BRAP: variants seen among roughly 807,000 people sequenced by gnomAD.
The protein encoded by BRAP is BRCA1-associated protein.
In BRAP, 42 loss-of-function variants were observed where a neutral mutation model predicts 73.4. The ratio of observed to expected loss-of-function variants is 0.57; its 90% confidence interval spans 0.45 to 0.74. BRAP has a LOEUF of 0.74. Among genes scored for constraint, BRAP ranks in the 30% least tolerant of loss-of-function variants. The pLI is 0.00. For missense variants in BRAP, 593 were observed against 751.4 expected, an observed-to-expected ratio of 0.79 and a Z score of 2.46; for synonymous variants, 255 against 267.4, an observed-to-expected ratio of 0.95 and a Z score of 0.45.
chr12:111,652,673 T>C (rs1886373233), intron 10 of BRAP, among the ~76,000 whole-genome samples: 1 of 152,132 alleles, frequency 6.6e-6, no homozygotes, highest in Non-Finnish European at 1.5e-5. Flanking sequence ...GCCCAGGAGT[T>C]GGAGATCAGC....
chr12:111,665,755 T>C lies in BRAP; in HGVS notation c.780A>G (p.Glu260=), dbSNP rs772625895. 6 of 1,614,042 alleles carry C rather than the reference T, an allele frequency of 3.7e-6. No individual in the cohort carries two copies. Among genetic ancestry groups the C allele is most frequent in the South Asian group, 1.1e-5 (1 of 91,070 alleles). The change falls in exon 6 of 12, where the codon GAA becomes GAG. Residue 260 remains glutamate (E), a synonymous_variant. Transcript: ENST00000419234. The surrounding 1 kb of genome is among the most constrained non-coding windows in gnomAD (Gnocchi z 4.3). ...GASLPVMDLT[E]LPKCTVCLER... is the part of the protein sequence containing the mutation. ...CCAGACACACCGTGCACTTGGGGAG[T>C]TCAGTCAGGTCCATCACTGGGAGGC...
rs1384504195 is a variant in BRAP, at chr12:111,665,517, G to A, written c.896+122C>T. 7.3e-7 allele frequency: 1 copy of A among 1,372,654 alleles called. No homozygotes were observed. Among genetic ancestry groups the A allele is most frequent in the Non-Finnish European group, 9.8e-7 (1 of 1,015,574 alleles). 85.0% of individuals were successfully genotyped at this position (1,372,654 alleles called of 1,614,324 possible). Reference sequence around the variant, plus strand: ...TCCCTGAACTTAGGAAAGGGAAGGAGAAAAAGGACCTCTTGAATAAAGTCA... The same window carrying A: ...TCCCTGAACTTAGGAAAGGGAAGGAAAAAAAGGACCTCTTGAATAAAGTCA... On this transcript the variant is annotated intron_variant, in intron 6 of 11. Transcript: ENST00000419234. The surrounding 1 kb of genome is among the most constrained non-coding windows in gnomAD (Gnocchi z 4.3).
chr12:111,648,315 C>G (rs371287662), intron 11 of BRAP, among the ~76,000 whole-genome samples: 2,333 of 136,840 alleles, frequency 0.017, 53 homozygotes, highest in African/African-American at 0.051. Context: ...GCAAGACTCT[C>G]TCTAAAAATA....
intron 5 of BRAP, 59 bp downstream of exon 5, chr12:111,672,602 A>C (rs1887220200): frequency 1.4e-6 from 2 of 1,464,562 alleles, no homozygotes; most frequent in Middle Eastern, 1.8e-4. Flanking sequence ...ATACCTTAGC[A>C]TTCAATTTTA....
At chr12:111,672,449 ATCTAAT>A (rs768880873) in intron 5 of BRAP, among the ~76,000 whole-genome samples, 17 of 152,120 alleles carry the variant, frequency 1.1e-4, no homozygotes, top group Non-Finnish European at 2.5e-4. Flanking sequence ...TGTCATCACT[ATCTAAT>A]TCTAGAACAC....
intron 4 of BRAP, among the ~76,000 whole-genome samples, chr12:111,676,651 T>A (rs1447099088): frequency 6.6e-6 from 1 of 152,162 alleles, no homozygotes. Flanking sequence ...TGCCCTCAAG[T>A]GTTCCGCCCA....
chr12:111,678,972 C>G (rs61941272), intron 4 of BRAP, among the ~76,000 whole-genome samples, 179 bp downstream of exon 4: 3 of 151,116 alleles, frequency 2.0e-5, no homozygotes, highest in Non-Finnish European at 2.9e-5. Flanking sequence ...AAAGTGTATA[C>G]GTTATAATTG....
chr12:111,647,415 T>G (rs1886147314), intron 11 of BRAP, among the ~76,000 whole-genome samples: 1 of 152,214 alleles, frequency 6.6e-6, no homozygotes, highest in African/African-American at 2.4e-5. Flanking sequence ...ATACCTAGAT[T>G]CTATTTTTGC....
chr12:111,660,491 A>C, intron 7 of BRAP, 109 bp downstream of exon 7: 2 of 967,886 alleles, frequency 2.1e-6, no homozygotes, highest in South Asian at 5.0e-5. Context: ...TCTTAAAATA[A>C]AAAATAAAAA....
At chr12:111,670,021 C>G (rs920582303) in intron 5 of BRAP, 1 of 640,552 alleles carries the variant, frequency 1.6e-6, no homozygotes, top group Non-Finnish European at 3.0e-6. Context: ...GAGATTTCCT[C>G]TGGTTCACTA....
At chr12:111,682,302 A>G (rs1428264389) in intron 2 of BRAP, among the ~76,000 whole-genome samples, 1 of 152,102 alleles carries the variant, frequency 6.6e-6, no homozygotes, top group Non-Finnish European at 1.5e-5. Context: ...GGTTGAGACC[A>G]TCCTGGCTCA....
At chr12:111,682,497 CAAAA>C (rs11366915) in intron 2 of BRAP, among the ~76,000 whole-genome samples, 1 of 77,914 alleles carries the variant, frequency 1.3e-5, no homozygotes, top group African/African-American at 5.2e-5. Flanking sequence ...GAGACTGTCT[CAAAA>C]AAAAAAAAAA....
At position 111,679,315 on chromosome 12, in the gene BRAP, C is replaced by T; in HGVS notation, c.469G>A (p.Val157Met). The T allele has an allele frequency of 9.6e-6, 15 of 1,556,602 alleles. No individual in the cohort carries two copies. Among genetic ancestry groups the T allele is most frequent in the Non-Finnish European group, 1.3e-5 (15 of 1,148,486 alleles). ...TNKMTSLKEDVRRSAMLCILT... is the reference protein window; with the variant it reads ...TNKMTSLKEDMRRSAMLCILT... ...ATACACAGCATGGCACTGCGCCGCA[C>T]ATCTTCTTTTAAGGAGGTCATCTTA... is the stretch of plus-strand genomic sequence containing the variant. Residue 157 changes from valine to methionine, a missense_variant, in exon 4 of 12, where the codon GTG (valine) becomes ATG (methionine). Val to Met is a conservative substitution (Grantham distance 21). Coordinates refer to ENST00000419234, the MANE Select transcript of BRAP (RefSeq NM_006768.5).
chr12:111,644,273 C>A lies in BRAP; in HGVS notation c.1705G>T (p.Ala569Ser), dbSNP rs774685980. 6.2e-7 allele frequency: 1 copy of A among 1,614,120 alleles called. No individual in the cohort carries two copies. Among genetic ancestry groups the A allele is most frequent in the Non-Finnish European group, 8.5e-7 (1 of 1,180,036 alleles). The change falls in exon 12 of 12, where the codon GCC becomes TCC. Residue 569 changes from alanine (A) to serine (S), a missense_variant. Ala to Ser is a moderately conservative substitution (Grantham distance 99). Transcript: ENST00000419234. ...CCCCCCGAAGAGGCAGGGCTCGAGG[C>A]CGAGGCCATGGCGATGTTGATCTGT... is the stretch of plus-strand genomic sequence containing the variant. ...EGQINIAMAS[A>S]SSPASSGGSG...
rs796435283 is a variant in BRAP at position 111,643,020 on chromosome 12, A to C, written c.*1179T>G. 18 of 152,272 alleles carry C rather than the reference A, an allele frequency of 1.2e-4. No homozygotes were observed. Among genetic ancestry groups the C allele is most frequent in the African/African-American group, 4.3e-4 (18 of 41,558 alleles). 9.4% of individuals were successfully genotyped at this position (152,272 alleles called of 1,614,324 possible). A position where few individuals can be genotyped will look rare whatever the true frequency, so the allele number is the denominator to read the frequency against. ...TGTTGTTTAACAATACATCTTACTA[A>C]CCTATCCCTCTACCTCTTCAAGAAA... is the stretch of plus-strand genomic sequence containing the variant. On this transcript the variant is annotated 3_prime_UTR_variant, in exon 12 of 12. Coordinates refer to ENST00000419234, the MANE Select transcript of BRAP (RefSeq NM_006768.5).
Position 111,649,946 on chromosome 12 carries a change from CCA to C in BRAP, c.1406_1407del (p.Val469GlyfsTer51), listed in dbSNP as rs1022367240. On this transcript the variant is annotated frameshift_variant, in exon 11 of 12. Coordinates refer to ENST00000419234, the MANE Select transcript of BRAP (RefSeq NM_006768.5). LOFTEE classifies it high-confidence loss of function. ...TAGACCGATTATACCTACTTTCTTT[CCA>C]CAGACTGCTTTTCTTTTAGGAGATC... is the stretch of plus-strand genomic sequence containing the variant. ...LNDLLKEKQS[V>X]ERKCTQLNTK... 6.3e-7 allele frequency: 1 copy of C among 1,599,280 alleles called. No individual in the cohort carries two copies. Among genetic ancestry groups the C allele is most frequent in the Non-Finnish European group, 8.6e-7 (1 of 1,167,342 alleles).
chr12:111,649,858 A>C (rs1475256665), intron 11 of BRAP, 81 bp downstream of exon 11: 1 of 977,716 alleles, frequency 1.0e-6, no homozygotes, highest in Non-Finnish European at 1.5e-6. Flanking sequence ...ATATATTTGA[A>C]AATGAGGGTG....
chr12:111,665,812 C>A lies in BRAP; in HGVS notation c.748-25G>T, dbSNP rs982930623. 6.2e-7 allele frequency: 1 copy of A among 1,613,664 alleles called. No individual in the cohort carries two copies. Among genetic ancestry groups the A allele is most frequent in the Non-Finnish European group, 8.5e-7 (1 of 1,179,714 alleles). On this transcript the variant is annotated intron_variant, in intron 5 of 11. Coordinates refer to ENST00000419234, the MANE Select transcript of BRAP (RefSeq NM_006768.5). This position sits in a 1 kb window ranked among gnomAD's most constrained non-coding sequence, Gnocchi z 4.3. Reference sequence around the variant, plus strand: ...CCTACAGGAAACACCTCACATAAGCCTCACTCTTCATCTACCAGCAATACT... The same window carrying A: ...CCTACAGGAAACACCTCACATAAGCATCACTCTTCATCTACCAGCAATACT...
At chr12:111,652,709 ATC>A (rs1211635044) in intron 10 of BRAP, among the ~76,000 whole-genome samples, 30 of 149,872 alleles carry the variant, frequency 2.0e-4, no homozygotes, top group African/African-American at 3.4e-4. Context: ...AGATTCCCCC[ATC>A]TCTCTCTCTT....
Sources: allele counts gnomAD v4.1 joint callset (sites outside exome capture counted in the v4.1 genomes callset), GRCh38; gene constraint gnomAD v4.1.1; non-coding constraint Gnocchi (gnomAD v3.1); transcripts MANE v1.5; gene names NCBI Gene and HGNC (gene_info 2026-07-23, HGNC 2026-07-21).